CDH8: variants seen among roughly 807,000 people sequenced by gnomAD.
CDH8 encodes the protein cadherin 8.
In CDH8, 17 loss-of-function variants were observed where a neutral mutation model predicts 68.1. The ratio of observed to expected loss-of-function variants is 0.25; its 90% CI spans 0.17 to 0.37. CDH8 has a LOEUF of 0.37. CDH8 is among the 10% of genes least tolerant of loss of function. CDH8 has a pLI of 1.00. For synonymous variants in CDH8, 372 were observed against 365.1 expected, an observed-to-expected ratio of 1.02 and a Z score of -0.21; for missense variants, 763 against 999.3, an observed-to-expected ratio of 0.76 and a Z score of 3.19.
chr16:61,888,751 T>C (rs4784168), intron 3 of CDH8, among the ~76,000 whole-genome samples: 55,517 of 152,022 alleles, frequency 0.37, 10,640 homozygotes, highest in Middle Eastern at 0.48. Context: ...AACATCACTT[T>C]GGATTTCAGA....
chr16:61,963,968 C>G (rs1597095333), intron 2 of CDH8, among the ~76,000 whole-genome samples: 1 of 152,206 alleles, frequency 6.6e-6, no homozygotes, highest in Admixed American at 6.5e-5. Context: ...CAAGCCTCAC[C>G]TGTTTACAAT....
At chr16:61,864,294 G>GTTGT (rs1963210029) in intron 3 of CDH8, among the ~76,000 whole-genome samples, 1 of 33,332 alleles carries the variant, frequency 3.0e-5, no homozygotes, top group Middle Eastern at 0.013. Flanking sequence ...TGGATGTCCG[G>GTTGT]TTGGTTGGTT....
intron 7 of CDH8, among the ~76,000 whole-genome samples, chr16:61,807,379 A>G (rs62051981): frequency 3.0e-4 from 45 of 151,162 alleles, no homozygotes; most frequent in East Asian, 1.2e-3. Flanking sequence ...GCTAGATGAC[A>G]AGTTAGTGGG....
At chr16:61,863,295 C>T (rs1963188328) in intron 3 of CDH8, among the ~76,000 whole-genome samples, 12 of 152,092 alleles carry the variant, frequency 7.9e-5, no homozygotes, top group Admixed American at 7.9e-4. Flanking sequence ...AAGTTTCCTC[C>T]CATTAGCAGC....
intron 4 of CDH8, among the ~76,000 whole-genome samples, chr16:61,845,655 T>C (rs1205473670): frequency 6.6e-6 from 1 of 152,246 alleles, no homozygotes; most frequent in South Asian, 2.1e-4. Context: ...TAGCTCATAA[T>C]AAAACTATCA....
chr16:62,029,868 C>A (rs866887013), intron 1 of CDH8, among the ~76,000 whole-genome samples: 3 of 152,182 alleles, frequency 2.0e-5, no homozygotes, highest in African/African-American at 7.2e-5. Flanking sequence ...CTATTTATTT[C>A]AAGAAACTTT....
intron 8 of CDH8, among the ~76,000 whole-genome samples, chr16:61,761,675 G>A (rs1035869055): frequency 2.0e-5 from 3 of 152,122 alleles, no homozygotes; most frequent in African/African-American, 7.2e-5. Context: ...TGTGGGTTAT[G>A]TACTGCATAT....
rs1392159033 is a variant in CDH8, at chr16:61,953,007, GCCT to G, written c.253-51537_253-51535del. ...CCATGTGAGGATGGTAGGAGGTAGGGCCTTTGGGAGGTGATTAGGTAACGTGGG... is the reference window on the plus strand; with the variant it reads ...CCATGTGAGGATGGTAGGAGGTAGGGTTGGGAGGTGATTAGGTAACGTGGG... On this transcript the variant is annotated intron_variant, in intron 2 of 11. Transcript: ENST00000577390. Among the ~76,000 whole-genome samples the G allele has an allele frequency of 3.9e-4, 60 of 152,240 alleles. No homozygotes were observed. In the East Asian group the frequency reaches 0.01, roughly 26 times the overall value.
intron 3 of CDH8, among the ~76,000 whole-genome samples, chr16:61,863,200 T>G (rs1317150880): frequency 6.6e-6 from 1 of 152,148 alleles, no homozygotes; most frequent in Admixed American, 6.6e-5. Context: ...TTTGTTTCAC[T>G]CGTTTAAGTG....
intron 2 of CDH8, among the ~76,000 whole-genome samples, chr16:61,916,276 G>A (rs1964237159): frequency 6.6e-6 from 1 of 152,170 alleles, no homozygotes; most frequent in South Asian, 2.1e-4. Context: ...CACTTCGGGA[G>A]GCTGAGGTGG....
chr16:61,749,237 A>C (rs757603205), intron 8 of CDH8, among the ~76,000 whole-genome samples: 2 of 152,024 alleles, frequency 1.3e-5, no homozygotes, highest in African/African-American at 4.8e-5. Flanking sequence ...CAGAGCTTTG[A>C]GCAAGACCAA....
intron 4 of CDH8, among the ~76,000 whole-genome samples, chr16:61,853,946 A>G (rs1026113384): frequency 3.9e-5 from 6 of 151,962 alleles, no homozygotes; most frequent in South Asian, 2.1e-4. Flanking sequence ...TTCTTCATAT[A>G]CATATATGTG....
intron 1 of CDH8, among the ~76,000 whole-genome samples, chr16:62,028,285 C>T (rs757584752): frequency 1.1e-4 from 16 of 151,936 alleles, no homozygotes; most frequent in Non-Finnish European, 2.1e-4. Flanking sequence ...CCAGGCTGGT[C>T]TCAAACCCCT....
In CDH8 at chr16:61,713,965, CAT is replaced by C. The variant is rs1319866929; in HGVS notation, c.1537-9_1537-8del. On this transcript the variant is annotated splice_polypyrimidine_tract_variant and splice_region_variant and intron_variant, in intron 9 of 11. Transcript: ENST00000577390. ...CGCTAACAGTTTGAATGACCTGAAA[CAT>C]AAAACTTGACGTCAGCATTTCTGAT... 1 of 1,524,018 alleles carries C rather than the reference CAT, an allele frequency of 6.6e-7. No homozygotes were observed. The highest frequency in any genetic ancestry group is 9.1e-7 in the Non-Finnish European group (1 of 1,098,974). 94.4% of individuals were successfully genotyped at this position (1,524,018 alleles called of 1,614,324 possible).
At chr16:61,910,836 T>G (rs980068118) in intron 2 of CDH8, among the ~76,000 whole-genome samples, 3 of 152,182 alleles carry the variant, frequency 2.0e-5, no homozygotes, top group Non-Finnish European at 2.9e-5. Context: ...TATACAACAT[T>G]GATTTGTAGT....
Position 61,652,133 on chromosome 16 carries a change from T to C in CDH8, c.*1475A>G. ...GTAGAAAATTAAAATGATCTGCATG[T>C]AATACTTGAGTTTTATCATACATTT... On this transcript the variant is annotated 3_prime_UTR_variant, in exon 12 of 12. Coordinates refer to ENST00000577390, the MANE Select transcript of CDH8 (RefSeq NM_001796.5). 2 of 974,264 alleles carry C rather than the reference T, an allele frequency of 2.1e-6. No individual in the cohort carries two copies. Among genetic ancestry groups the C allele is most frequent in the Non-Finnish European group, 2.4e-6 (2 of 819,714 alleles). 60.4% of individuals were successfully genotyped at this position (974,264 alleles called of 1,614,324 possible). A position where few individuals can be genotyped will look rare whatever the true frequency, so the allele number is the denominator to read the frequency against.
intron 10 of CDH8, among the ~76,000 whole-genome samples, chr16:61,666,294 A>G (rs1963677961): frequency 6.6e-6 from 1 of 151,862 alleles, no homozygotes; most frequent in Non-Finnish European, 1.5e-5. Flanking sequence ...GCAGATGAAA[A>G]AGGGAAATAC....
At chr16:61,667,860 AG>A (rs1160681112) in intron 10 of CDH8, 1 of 152,080 alleles carries the variant, frequency 6.6e-6, no homozygotes, top group East Asian at 1.9e-4. Context: ...GAGATGTTCA[AG>A]GTTTCTCAGC....
At chr16:61,697,496 TA>T (rs950206693) in intron 10 of CDH8, among the ~76,000 whole-genome samples, 22 of 109,470 alleles carry the variant, frequency 2.0e-4, no homozygotes, top group South Asian at 5.2e-4. Context: ...TTTGGAGAGT[TA>T]TTTTTTTTTT....
Sources: allele counts gnomAD v4.1 joint callset (sites outside exome capture counted in the v4.1 genomes callset), GRCh38; gene constraint gnomAD v4.1.1; transcripts MANE v1.5; gene names NCBI Gene and HGNC (gene_info 2026-07-23, HGNC 2026-07-21).